COL17A1: variants seen among roughly 807,000 people sequenced by gnomAD.
The protein encoded by COL17A1 is collagen type XVII alpha 1 chain.
COL17A1 carries 181 observed loss-of-function variants against 218.4 expected under a neutral mutation model. That is an observed-to-expected ratio of 0.83 (90% CI 0.73 to 0.94). COL17A1 has a LOEUF of 0.94. Among genes scored for constraint, COL17A1 ranks in the 40% least tolerant of loss-of-function variants. The pLI is 0.00. For missense variants in COL17A1, 1,924 were observed against 1,945.9 expected, an observed-to-expected ratio of 0.99 and a Z score of 0.21; for synonymous variants, 721 against 731.0, an observed-to-expected ratio of 0.99 and a Z score of 0.22.
At chr10:104,041,177 C>A in intron 38 of COL17A1, 59 bp from the exon 39 acceptor site, 1 of 1,607,400 alleles carries the variant, frequency 6.2e-7, no homozygotes, top group Non-Finnish European at 8.5e-7. Flanking sequence ...GAACCCTCTG[C>A]TCAGGAGGAG....
In COL17A1 at chr10:104,034,262, C is replaced by T. The variant is rs576816351; in HGVS notation, c.3839G>A (p.Arg1280His). 28 of 1,603,512 alleles carry T rather than the reference C, an allele frequency of 1.7e-5. No individual in the cohort carries two copies. Among genetic ancestry groups the T allele is most frequent in the African/African-American group, 8.0e-5 (6 of 74,832 alleles). ...GTGGGAGGCATCCGTGGACAGGAGG[C>T]GGCTGTCCCCAGGGGGTCCCTGCGG... ...PGPQGPPGDSRLLSTDASHSR... is the reference protein window; with the variant it reads ...PGPQGPPGDSHLLSTDASHSR... Residue 1280 changes from arginine (R) to histidine (H), a missense_variant, in exon 52 of 56, where the codon CGC becomes CAC. Physicochemically the swap from Arg to His is conservative, Grantham distance 29 (BLOSUM62 0). Transcript: ENST00000648076.
At chr10:104,044,199 G>A (rs775919110) in intron 33 of COL17A1, among the ~76,000 whole-genome samples, 3 of 152,198 alleles carry the variant, frequency 2.0e-5, no homozygotes, top group Non-Finnish European at 1.5e-5. Flanking sequence ...ATCGCCTTAG[G>A]TGGGAAAATT....
intron 29 of COL17A1, among the ~76,000 whole-genome samples, chr10:104,048,752 G>A (rs2086438054): frequency 6.6e-6 from 1 of 152,150 alleles, no homozygotes; most frequent in East Asian, 1.9e-4. Context: ...CACAGCTGGG[G>A]AAGTGAACGA....
At chr10:104,050,813 C>T in intron 26 of COL17A1, 35 bp downstream of exon 26, 1 of 1,614,154 alleles carries the variant, frequency 6.2e-7, no homozygotes, top group South Asian at 1.1e-5. Flanking sequence ...GTCCATCAGA[C>T]CCTCACTGTC....
chr10:104,040,276 C>G (rs1483786664), intron 40 of COL17A1, 75 bp downstream of exon 40: 3 of 1,162,720 alleles, frequency 2.6e-6, no homozygotes, highest in Admixed American at 1.7e-5. Flanking sequence ...CAGCTTCATC[C>G]AAACCCTCCT....
intron 51 of COL17A1, 67 bp downstream of exon 51, chr10:104,034,554 G>T: frequency 6.4e-7 from 1 of 1,570,936 alleles, no homozygotes; most frequent in Non-Finnish European, 8.6e-7. Context: ...GTGCCTCCCT[G>T]CCCCACTTAC....
chr10:104,040,500 T>C, intron 39 of COL17A1, 90 bp from the exon 40 acceptor site: 1 of 822,844 alleles, frequency 1.2e-6, no homozygotes, highest in South Asian at 1.3e-5. Context: ...AGATGCTCAA[T>C]CAATACTTGT....
intron 11 of COL17A1, 58 bp downstream of exon 11, chr10:104,063,689 A>G: frequency 6.2e-7 from 1 of 1,611,168 alleles, no homozygotes; most frequent in Non-Finnish European, 8.5e-7. Context: ...TGGGTGAAGC[A>G]TCCTAACACT....
chr10:104,041,207 C>T, intron 38 of COL17A1, 89 bp from the exon 39 acceptor site: 4 of 1,609,116 alleles, frequency 2.5e-6, no homozygotes, highest in Non-Finnish European at 3.4e-6. Context: ...AAGCTCTTTC[C>T]TATAAGCCAG....
chr10:104,054,207 T>C, intron 20 of COL17A1, 89 bp from the exon 21 acceptor site: 2 of 1,399,592 alleles, frequency 1.4e-6, no homozygotes, highest in Non-Finnish European at 2.0e-6. Context: ...CAGGTAGGGT[T>C]GCCAAACTTA....
At chr10:104,068,380 T>A (rs2134642036) in intron 9 of COL17A1, among the ~76,000 whole-genome samples, 1 of 152,326 alleles carries the variant, frequency 6.6e-6, no homozygotes, top group Non-Finnish European at 1.5e-5. Flanking sequence ...GGGATGAGAC[T>A]GTTTGTAAAT....
Position 104,033,340 on chromosome 10 carries a change from G to A in COL17A1, c.4192C>T (p.Gln1398Ter). 6.2e-7 allele frequency: 1 copy of A among 1,609,946 alleles called. No homozygotes were observed. Among genetic ancestry groups the A allele is most frequent in the Non-Finnish European group, 8.5e-7 (1 of 1,178,260 alleles). Residue 1398 changes from glutamine to a stop codon, truncating the protein, a stop_gained, in exon 53 of 56, where the codon CAG (glutamine) becomes TAG (stop). Transcript: ENST00000648076. LOFTEE classifies it high-confidence loss of function. ...GGCCCAGGCTGGCCTGGTGGGCCCT[G>A]GACAGTGTAGGCCATCCCTTGCAGT... ...GLLQGMAYTVQGPPGQPGPQG... is the reference protein window; with the variant it reads ...GLLQGMAYTV
At chr10:104,038,356 C>T (rs1589558233) in intron 45 of COL17A1, 50 bp downstream of exon 45, 1 of 1,612,548 alleles carries the variant, frequency 6.2e-7, no homozygotes, top group East Asian at 2.2e-5. Context: ...TGCAAAGAGA[C>T]TGTATCTCCA....
chr10:104,050,218 C>A, intron 27 of COL17A1, 94 bp from the exon 28 acceptor site: 2 of 1,562,550 alleles, frequency 1.3e-6, no homozygotes, highest in Admixed American at 1.8e-5. Flanking sequence ...CAGGGTAGTT[C>A]TCACTGTATC....
chr10:104,073,325 T>C (rs1024270647), intron 6 of COL17A1, 80 bp from the exon 7 acceptor site: 8 of 1,284,470 alleles, frequency 6.2e-6, no homozygotes, highest in Non-Finnish European at 9.1e-6. Flanking sequence ...GCAGATATAT[T>C]TGGGGAGGGG....
chr10:104,063,477 C>T, intron 11 of COL17A1: 1 of 501,954 alleles, frequency 2.0e-6, no homozygotes, highest in East Asian at 3.8e-5. Context: ...TTCCGTTAGA[C>T]CCTTCATTTC....
intron 31 of COL17A1, 118 bp from the exon 32 acceptor site, chr10:104,046,891 G>A: frequency 1.1e-6 from 1 of 912,614 alleles, no homozygotes; most frequent in South Asian, 1.4e-5. Context: ...GGGTACAGAA[G>A]GACACGTCTC....
At chr10:104,063,906 A>G (rs1276244384) in intron 10 of COL17A1, 88 bp from the exon 11 acceptor site, 28 of 1,578,728 alleles carry the variant, frequency 1.8e-5, no homozygotes, top group Non-Finnish European at 2.4e-5. Flanking sequence ...ACCAGAAGAA[A>G]TGCCAGGATT....
chr10:104,064,345 G>A, intron 10 of COL17A1, 93 bp downstream of exon 10: 3 of 1,596,752 alleles, frequency 1.9e-6, no homozygotes, highest in Non-Finnish European at 1.7e-6. Context: ...AGGAGGCCCT[G>A]AGGATGGCAA....
Sources: gnomAD v4.1 joint callset for allele counts (sites outside exome capture counted in the v4.1 genomes callset) on GRCh38, gnomAD v4.1.1 for gene constraint, MANE v1.5 for transcripts, NCBI Gene and HGNC (gene_info 2026-07-23, HGNC 2026-07-21) for gene names.